Variants in ADAP1 observed in about 807,000 individuals in gnomAD.
ADAP1 encodes the protein ArfGAP with dual PH domains 1.
Under a neutral mutation model 54.9 loss-of-function variants are expected in ADAP1, and 31 were observed. The ratio of observed to expected loss-of-function variants is 0.56; its 90% CI spans 0.42 to 0.76. The LOEUF is 0.76. Ranked by LOEUF, ADAP1 falls within the 30% of genes least tolerant of loss-of-function variation. The pLI is 0.00. For missense variants in ADAP1, 535 were observed against 512.4 expected (o/e 1.04, Z -0.42); for synonymous variants, 313 against 202.6 (o/e 1.55, Z -4.63).
At chr7:912,845 G>A (rs908231047) in intron 4 of ADAP1, among the ~76,000 whole-genome samples, 1 of 151,854 alleles carries the variant, frequency 6.6e-6, no homozygotes, top group African/African-American at 2.4e-5. Context: ...GAGCTATCAC[G>A]CCAGGCCTAT....
At chr7:944,644 G>A (rs1386444023) in intron 1 of ADAP1, among the ~76,000 whole-genome samples, 2 of 152,190 alleles carry the variant, frequency 1.3e-5, no homozygotes. Flanking sequence ...CTACAGGCAT[G>A]CAATGTGAAA....
rs773731102 is a variant in ADAP1, at chr7:947,193, C to CTGGCTGTG, written c.82+7202_82+7203insCACAGCCA. 4.5e-3 allele frequency among the ~76,000 whole-genome samples: 673 copies of CTGGCTGTG among 149,278 alleles called. 4 individuals are homozygous for CTGGCTGTG. Among genetic ancestry groups the CTGGCTGTG allele is most frequent in the Middle Eastern group, 0.017 (5 of 286 alleles). On this transcript the variant is annotated intron_variant, in intron 1 of 10. Coordinates refer to ENST00000265846, the MANE Select transcript of ADAP1 (RefSeq NM_006869.4). ...TAGCTGGGACCACAGGTGTGCACCA[C>CTGGCTGTG]CACATCTGGCTGATTTTTTGGTTTT...
In ADAP1 at chr7:905,182, A is replaced by T; in HGVS notation, c.389-10T>A. On this transcript the variant is annotated splice_polypyrimidine_tract_variant and intron_variant, in intron 4 of 10. Transcript: ENST00000265846. ...AAACCCTCACGGTACCCTGTGGGGG[A>T]AAGGGGACACGAGTCGGTGACAGTG... 1 of 1,606,232 alleles carries T rather than the reference A, an allele frequency of 6.2e-7. No homozygotes were observed. The highest frequency in any genetic ancestry group is 1.3e-5 in the African/African-American group (1 of 74,650).
intron 4 of ADAP1, 28 bp from the exon 5 acceptor site, chr7:905,200 T>A: frequency 6.4e-7 from 1 of 1,559,548 alleles, no homozygotes; most frequent in South Asian, 1.1e-5. Flanking sequence ...CACGAGTCGG[T>A]GACAGTGGAT....
intron 4 of ADAP1, among the ~76,000 whole-genome samples, chr7:916,299 C>T (rs528314682): frequency 7.2e-5 from 11 of 152,306 alleles, no homozygotes; most frequent in South Asian, 2.1e-4. Context: ...CAGGTCCCAA[C>T]GACACCAGCT....
intron 6 of ADAP1, among the ~76,000 whole-genome samples, chr7:902,657 G>A (rs146529922): frequency 6.6e-6 from 1 of 151,612 alleles, no homozygotes; most frequent in Non-Finnish European, 1.5e-5. Context: ...CAGAAAATGA[G>A]AACAGGGAAA....
In ADAP1 at chr7:909,668, C is replaced by T. The variant is rs577156387; in HGVS notation, c.389-4496G>A. ...CAACAGCCAGTGAGACGGGGCTTCT[C>T]CCCACAGAGCAGCCCCTCACACGGC... On this transcript the variant is annotated intron_variant, in intron 4 of 10. Transcript: ENST00000265846. Among the ~76,000 whole-genome samples the T allele has an allele frequency of 3.9e-5, 6 of 152,364 alleles. No homozygotes were observed. In the East Asian group the frequency reaches 9.6e-4, roughly 24 times the overall value.
At chr7:903,860 T>G in intron 6 of ADAP1, 1 of 407,980 alleles carries the variant, frequency 2.5e-6, no homozygotes, top group Non-Finnish European at 4.5e-6. Flanking sequence ...AGAGACAGCG[T>G]GGTGATCCGG....
intron 8 of ADAP1, among the ~76,000 whole-genome samples, chr7:899,767 TCTC>T (rs1363112237): frequency 1.3e-5 from 2 of 150,438 alleles, no homozygotes; most frequent in East Asian, 2.0e-4. Context: ...CACCTGCACT[TCTC>T]CTCCGGGACC....
At position 898,546 on chromosome 7, in the gene ADAP1, C is replaced by CA. The variant is rs1008615924; in HGVS notation, c.*374dup. 4 of 330,094 alleles carry CA rather than the reference C, an allele frequency of 1.2e-5. No homozygotes were observed. The Admixed American group carries it at 1.2e-4, about 10-fold the overall frequency. The allele number at this position is 330,094 out of a possible 1,614,324, so 20.4% of individuals were successfully genotyped here. A position where few individuals can be genotyped will look rare whatever the true frequency, so the allele number is the denominator to read the frequency against. On this transcript the variant is annotated 3_prime_UTR_variant, in exon 11 of 11. Transcript: ENST00000265846. ...CGGCAGCTGCCCACCGTGCTGGCCCCAAGCAGGGCTCTGCGCTGAGGCCTG... is the reference window on the plus strand; with the variant it reads ...CGGCAGCTGCCCACCGTGCTGGCCCCAAAGCAGGGCTCTGCGCTGAGGCCTG...
upstream of ADAP1, among the ~76,000 whole-genome samples, chr7:955,098 G>T (rs1260209477): frequency 2.0e-5 from 3 of 152,134 alleles, no homozygotes; most frequent in Non-Finnish European, 2.9e-5. Flanking sequence ...CGGCCAGCAG[G>T]TGACAAACGC....
In ADAP1 at chr7:920,520, C is replaced by G. The variant is rs936095222; in HGVS notation, c.306-470G>C. 1.3e-5 allele frequency among the ~76,000 whole-genome samples: 2 copies of G among 151,832 alleles called. No individual in the cohort carries two copies. Among genetic ancestry groups the G allele is most frequent in the African/African-American group, 4.8e-5 (2 of 41,310 alleles). ...CCCACCGTGCTGCCACCTTGCACCC[C>G]CCGTGCCGCCCTCCACCCGCCGTGC... On this transcript the variant is annotated intron_variant, in intron 3 of 10. Transcript: ENST00000265846. The surrounding 1 kb of genome is among the most constrained non-coding windows in gnomAD (Gnocchi z 4.5).
chr7:908,666 C>T (rs986886933), intron 4 of ADAP1, among the ~76,000 whole-genome samples: 1 of 152,236 alleles, frequency 6.6e-6, no homozygotes, highest in African/African-American at 2.4e-5. Flanking sequence ...CACGGCTCTG[C>T]CTCCGACATC....
At chr7:911,992 C>T (rs570164841) in intron 4 of ADAP1, among the ~76,000 whole-genome samples, 18 of 152,318 alleles carry the variant, frequency 1.2e-4, no homozygotes, top group Admixed American at 3.3e-4. Context: ...CTGCGAGGAA[C>T]GGCTGGTGAT....
chr7:899,733 C>T (rs560276143), intron 8 of ADAP1, among the ~76,000 whole-genome samples: 3 of 152,148 alleles, frequency 2.0e-5, no homozygotes, highest in Non-Finnish European at 4.4e-5. Context: ...AGATGGGGGC[C>T]CAGGCCTCAC....
rs772975401 is a variant in ADAP1, at chr7:898,936, G to A, written c.1110C>T (p.Phe370=). ...LPQEYAVEAH[F]KHKP is the part of the protein sequence containing the mutation. ...GCCGCACTCGCTAAGGTTTATGCTTGAAGTGCGCCTCCACTGCAACGGAAC... is the reference window on the plus strand; with the variant it reads ...GCCGCACTCGCTAAGGTTTATGCTTAAAGTGCGCCTCCACTGCAACGGAAC... Residue 370 remains phenylalanine, a synonymous_variant, in exon 11 of 11, where the codon TTC becomes TTT. Coordinates refer to ENST00000265846, the MANE Select transcript of ADAP1 (RefSeq NM_006869.4). 4.3e-6 allele frequency: 7 copies of A among 1,609,404 alleles called. No homozygotes were observed. In the Admixed American group the frequency reaches 8.4e-5, roughly 19 times the overall value.
chr7:913,677 A>G (rs1031436317), intron 4 of ADAP1, among the ~76,000 whole-genome samples: 13 of 152,050 alleles, frequency 8.5e-5, no homozygotes, highest in South Asian at 2.1e-4. Context: ...GCTCACGCCT[A>G]TAATCTCAGC....
chr7:904,441 A>C (rs1007182694), intron 5 of ADAP1, among the ~76,000 whole-genome samples, 169 bp from the exon 6 acceptor site: 1 of 152,186 alleles, frequency 6.6e-6, no homozygotes, highest in African/African-American at 2.4e-5. Context: ...AGCAGAAGGT[A>C]ACAGCACCTC....
In ADAP1 at chr7:902,041, A is replaced by G. The variant is rs919280996; in HGVS notation, c.649-1425T>C. ...TCTGTGACCCTGCAGGCTGCAGCGG[A>G]AACTCCCTCAGCTCCCACAGCTGGG... On this transcript the variant is annotated intron_variant, in intron 6 of 10. Coordinates refer to ENST00000265846, the MANE Select transcript of ADAP1 (RefSeq NM_006869.4). 2.6e-5 allele frequency among the ~76,000 whole-genome samples: 4 copies of G among 152,222 alleles called. No homozygotes were observed. In the South Asian group the frequency reaches 8.3e-4, roughly 32 times the overall value.
Sources: gnomAD v4.1 joint callset for allele counts (sites outside exome capture counted in the v4.1 genomes callset) on GRCh38, gnomAD v4.1.1 for gene constraint, Gnocchi (gnomAD v3.1) non-coding constraint, MANE v1.5 for transcripts, NCBI Gene and HGNC (gene_info 2026-07-23, HGNC 2026-07-21) for gene names.